Variants in SRRM4 observed in about 807,000 individuals in gnomAD.
The protein encoded by SRRM4 is serine/arginine repetitive matrix protein 4.
In SRRM4, 33 loss-of-function variants were observed where a neutral mutation model predicts 68.9. The observed-to-expected ratio is 0.48, with a 90% CI of 0.36 to 0.64. The LOEUF (loss-of-function observed/expected upper bound fraction) is 0.64. SRRM4 is among the 30% of genes least tolerant of loss of function. SRRM4 has a pLI of 0.00. For missense variants in SRRM4, 817 were observed against 827.1 expected, an observed-to-expected ratio of 0.99 and a Z score of 0.15; for synonymous variants, 318 against 318.8, an observed-to-expected ratio of 1.00 and a Z score of 0.03.
chr12:119,025,952 G>A (rs1479540511), intron 1 of SRRM4, among the ~76,000 whole-genome samples: 1 of 152,092 alleles, frequency 6.6e-6, no homozygotes, highest in Non-Finnish European at 1.5e-5. Flanking sequence ...TTGGCCATCA[G>A]TGGAGTCCTA....
chr12:119,052,664 G>A (rs1953751491), intron 1 of SRRM4, among the ~76,000 whole-genome samples: 1 of 152,134 alleles, frequency 6.6e-6, no homozygotes, highest in South Asian at 2.1e-4. Flanking sequence ...GAGTAGCTGG[G>A]ACTACAGGCA....
At chr12:119,004,136 ATCT>A (rs1190179283) in intron 1 of SRRM4, among the ~76,000 whole-genome samples, 1 of 151,832 alleles carries the variant, frequency 6.6e-6, no homozygotes, top group Non-Finnish European at 1.5e-5. Flanking sequence ...TGAAAATTTG[ATCT>A]TCTTTTTCTT....
intron 1 of SRRM4, among the ~76,000 whole-genome samples, chr12:119,011,108 T>C (rs1246706591): frequency 6.6e-6 from 1 of 152,228 alleles, no homozygotes; most frequent in African/African-American, 2.4e-5. Flanking sequence ...ATTTTAGCTT[T>C]ATCTCTGTGA....
At chr12:119,128,846 C>T (rs1954276507) in intron 7 of SRRM4, among the ~76,000 whole-genome samples, 1 of 152,234 alleles carries the variant, frequency 6.6e-6, no homozygotes, top group Admixed American at 6.5e-5. Flanking sequence ...AAATGGTTAA[C>T]ATCACAAACA....
At chr12:119,153,327 G>GGATA (rs1487474980) in intron 10 of SRRM4, among the ~76,000 whole-genome samples, 2 of 152,094 alleles carry the variant, frequency 1.3e-5, no homozygotes, top group Non-Finnish European at 2.9e-5. Context: ...TAAGTGGCCA[G>GGATA]GATAGTAGGC....
Position 119,151,217 on chromosome 12 carries a change from A to T in SRRM4, c.1277A>T (p.Lys426Ile). The T allele has an allele frequency of 6.2e-7, 1 of 1,613,840 alleles. No homozygotes were observed. Among genetic ancestry groups the T allele is most frequent in the Middle Eastern group, 1.6e-4 (1 of 6,062 alleles). ...YTQSRSTSSEKRSYSRSPSYS... is the reference protein window; with the variant it reads ...YTQSRSTSSEIRSYSRSPSYS... ...CAAAGCCGATCCACCTCTTCTGAAA[A>T]AAGGTGAGTGTGGTTTTGACCTTTG... The change falls in exon 10 of 13, where the codon AAA (lysine) becomes ATA (isoleucine). Residue 426 changes from lysine to isoleucine, a missense_variant. Lys to Ile is a moderately radical substitution (Grantham distance 102, BLOSUM62 -3). Coordinates refer to ENST00000267260, the MANE Select transcript of SRRM4 (RefSeq NM_194286.4).
intron 1 of SRRM4, among the ~76,000 whole-genome samples, chr12:119,094,783 C>T (rs1047952391): frequency 2.0e-5 from 3 of 152,212 alleles, no homozygotes; most frequent in Admixed American, 2.0e-4. Context: ...ATTGCAATTC[C>T]CGGTTTAGGG....
intron 1 of SRRM4, among the ~76,000 whole-genome samples, chr12:119,060,190 T>C (rs1953802002): frequency 6.6e-6 from 1 of 151,972 alleles, no homozygotes; most frequent in Non-Finnish European, 1.5e-5. Context: ...AGCAAAATGA[T>C]ATCTGAGAAA....
intron 1 of SRRM4, among the ~76,000 whole-genome samples, chr12:119,095,365 T>C (rs1370154583): frequency 1.3e-5 from 2 of 152,082 alleles, no homozygotes; most frequent in African/African-American, 4.8e-5. Flanking sequence ...CTGGCAAGTG[T>C]GGGAAAAAGG....
chr12:119,134,465 T>C (rs1044786291), intron 8 of SRRM4, among the ~76,000 whole-genome samples: 1 of 151,656 alleles, frequency 6.6e-6, no homozygotes, highest in Non-Finnish European at 1.5e-5. Context: ...GTCAGAAGAA[T>C]GCTGCAATAT....
In SRRM4 at chr12:118,981,838, C is replaced by A. The variant is rs554922744; in HGVS notation, c.-45C>A. The A allele has an allele frequency of 4.4e-5, 70 of 1,594,750 alleles. 1 individual carries two copies. The East Asian group carries it at 1.1e-3, about 26-fold the overall frequency. On this transcript the variant is annotated 5_prime_UTR_variant, in exon 1 of 13. Coordinates refer to ENST00000267260, the MANE Select transcript of SRRM4 (RefSeq NM_194286.4). ...CCCCCGTTTGGAATCCACGTTTCAG[C>A]ACTTTGGACAGCGCCCCGGACGCCC...
intron 1 of SRRM4, among the ~76,000 whole-genome samples, chr12:119,062,803 T>C (rs1465553319): frequency 6.6e-6 from 1 of 152,244 alleles, no homozygotes; most frequent in African/African-American, 2.4e-5. Flanking sequence ...TGCACAGCCA[T>C]GCCTGGATTT....
chr12:119,056,672 G>T (rs533591582), intron 1 of SRRM4, among the ~76,000 whole-genome samples: 1 of 150,596 alleles, frequency 6.6e-6, no homozygotes, highest in Admixed American at 6.6e-5. Flanking sequence ...CTGTTCTCTC[G>T]GCCTCACTTG....
intron 8 of SRRM4, among the ~76,000 whole-genome samples, chr12:119,134,566 G>A (rs1356513054): frequency 6.6e-6 from 1 of 152,140 alleles, no homozygotes; most frequent in Non-Finnish European, 1.5e-5. Flanking sequence ...TTTCATGCCA[G>A]TTGGTAAATA....
At chr12:119,105,111 T>G (rs1208569845) in intron 2 of SRRM4, among the ~76,000 whole-genome samples, 1 of 151,898 alleles carries the variant, frequency 6.6e-6, no homozygotes, top group Non-Finnish European at 1.5e-5. Context: ...AGAATGATGG[T>G]TTCCAGCTTC....
chr12:119,138,868 T>C (rs1211032247), intron 8 of SRRM4, among the ~76,000 whole-genome samples: 4 of 152,090 alleles, frequency 2.6e-5, no homozygotes, highest in Non-Finnish European at 5.9e-5. Context: ...GTAGACATCA[T>C]GGAGGGTGAG....
chr12:119,125,400 A>C lies in SRRM4; in HGVS notation c.535A>C (p.Lys179Gln). The change falls in exon 7 of 13, where the codon AAG becomes CAG. Residue 179 changes from lysine (K) to glutamine (Q), a missense_variant. Coordinates refer to ENST00000267260, the MANE Select transcript of SRRM4 (RefSeq NM_194286.4). Reference protein sequence around the residue: ...HKKQSRSRPRKSHRHRHHRCP... With the variant: ...HKKQSRSRPRQSHRHRHHRCP... ...CCCAAGATCTCGAAGCCGGCCCCGAAAGTCTCACCGCCACCGCCATCACCG... is the reference window on the plus strand; with the variant it reads ...CCCAAGATCTCGAAGCCGGCCCCGACAGTCTCACCGCCACCGCCATCACCG... 1 of 1,612,684 alleles carries C rather than the reference A, an allele frequency of 6.2e-7. No individual in the cohort carries two copies.
At chr12:119,136,509 A>G (rs868050001) in intron 8 of SRRM4, among the ~76,000 whole-genome samples, 2 of 143,098 alleles carry the variant, frequency 1.4e-5, no homozygotes, top group African/African-American at 3.0e-5. Context: ...ATGGGAAGTG[A>G]CATAGCATTG....
At chr12:119,141,938 A>G (rs1218091411) in intron 8 of SRRM4, among the ~76,000 whole-genome samples, 4 of 152,244 alleles carry the variant, frequency 2.6e-5, no homozygotes, top group Non-Finnish European at 5.9e-5. Flanking sequence ...AAGGCTTTCT[A>G]GAAGAGGTGA....
Sources: gnomAD v4.1 joint callset for allele counts (sites outside exome capture counted in the v4.1 genomes callset) on GRCh38, gnomAD v4.1.1 for gene constraint, MANE v1.5 for transcripts, NCBI Gene and HGNC (gene_info 2026-07-23, HGNC 2026-07-21) for gene names.